Variants in VWF observed in about 807,000 individuals in gnomAD.
VWF encodes Factor VIII related antigen.
VWF carries 176 observed loss-of-function variants against 308.6 expected under a neutral mutation model. The ratio of observed to expected loss-of-function variants is 0.57; its 90% CI spans 0.50 to 0.65. The LOEUF (loss-of-function observed/expected upper bound fraction) is 0.65, where lower values mean the gene tolerates loss of function less well. VWF is among the 30% of genes least tolerant of loss of function. The pLI, the probability that VWF is intolerant of heterozygous loss-of-function variation, is 0.00. For synonymous variants in VWF, 1,385 were observed against 1,443.4 expected (o/e 0.96, Z 0.92); for missense variants, 3,146 against 3,648.2 (o/e 0.86, Z 3.55).
rs143931513 is a variant in VWF at position 5,995,361 on chromosome 12, TACTC to T, written c.6063+637_6063+640del. 5.6e-3 allele frequency among the ~76,000 whole-genome samples: 849 copies of T among 152,368 alleles called. 11 individuals carry two copies. Among genetic ancestry groups the T allele is most frequent in the African/African-American group, 0.019 (792 of 41,594 alleles). On this transcript the variant is annotated intron_variant, in intron 35 of 51. Transcript: ENST00000261405. ...GATTTTTTAATTTTTGGCTATGAGTTACTCACTTGATATATGACTAAGATTTTTC... is the reference window on the plus strand; with the variant it reads ...GATTTTTTAATTTTTGGCTATGAGTTACTTGATATATGACTAAGATTTTTC...
In VWF at chr12:6,019,418, G is replaced by T; in HGVS notation, c.4000C>A (p.Arg1334=). 1 of 1,613,924 alleles carries T rather than the reference G, an allele frequency of 6.2e-7. No individual in the cohort carries two copies. Among genetic ancestry groups the T allele is most frequent in the South Asian group, 1.1e-5 (1 of 91,068 alleles). Residue 1334 remains arginine, a synonymous_variant, in exon 28 of 52, where the codon CGG becomes AGG. Transcript: ENST00000261405. This position sits in a 1 kb window ranked among gnomAD's most constrained non-coding sequence, Gnocchi z 5.8. ...CGCCGCAGCTCTGACGGTCGCTTCC[G>T]GTCCTTGAGCCCGATGTAGGCGTGG... is the stretch of plus-strand genomic sequence containing the variant. ...GSHAYIGLKD[R]KRPSELRRIA...
At position 5,976,258 on chromosome 12, in the gene VWF, C is replaced by A. The variant is rs1300643689; in HGVS notation, c.7290G>T (p.Val2430=). The change falls in exon 43 of 52, where the codon GTG becomes GTT. Residue 2430 remains valine, a splice_region_variant and synonymous_variant. Transcript: ENST00000261405. ...GGTAGATGGTGCTTCGGTGGACACA[C>A]ACCTGTAGACATAAGTTTTCGTGAG... ...CTTTTCLPDK[V]CVHRSTIYPV... 1 of 1,614,160 alleles carries A rather than the reference C, an allele frequency of 6.2e-7. No homozygotes were observed. The highest frequency in any genetic ancestry group is 1.7e-5 in the Admixed American group (1 of 60,030).
rs1001439583 is a variant in VWF at position 6,060,110 on chromosome 12, G to A, written c.1534-2066C>T. Among the ~76,000 whole-genome samples the A allele has an allele frequency of 1.3e-5, 2 of 151,894 alleles. No homozygotes were observed. The highest frequency in any genetic ancestry group is 2.9e-5 in the Non-Finnish European group (2 of 67,970). ...GCTCGGCCAGGGTTAGGAGAGTGGG[G>A]GCGACACTTAGAGACTCTCTTAGTG... On this transcript the variant is annotated intron_variant, in intron 13 of 51. Coordinates refer to ENST00000261405, the MANE Select transcript of VWF (RefSeq NM_000552.5). The surrounding 1 kb of genome is among the most constrained non-coding windows in gnomAD (Gnocchi z 5.1).
At chr12:6,072,678 C>A (rs1944794742) in intron 8 of VWF, among the ~76,000 whole-genome samples, 1 of 152,260 alleles carries the variant, frequency 6.6e-6, no homozygotes, top group Non-Finnish European at 1.5e-5. Context: ...GTAGGGGAGG[C>A]ACAAGTCTGG....
chr12:6,085,018 CCTCT>C (rs1944953224), intron 6 of VWF, among the ~76,000 whole-genome samples: 2 of 152,202 alleles, frequency 1.3e-5, no homozygotes, highest in Admixed American at 6.5e-5. Context: ...GCTTGACATT[CCTCT>C]CTCTAAGATA....
chr12:6,122,388 C>A (rs1361571418), intron 2 of VWF, among the ~76,000 whole-genome samples: 1 of 152,172 alleles, frequency 6.6e-6, no homozygotes, highest in African/African-American at 2.4e-5. Flanking sequence ...AGTGTGAACT[C>A]CTCCGGCGTC....
At chr12:5,958,054 T>C (rs894017510) in intron 47 of VWF, among the ~76,000 whole-genome samples, 3 of 151,470 alleles carry the variant, frequency 2.0e-5, no homozygotes, top group Admixed American at 6.6e-5. Context: ...ACCACTAAAA[T>C]AGTAATATGA....
rs1280177699 is a variant in VWF, at chr12:6,036,267, CAG to C, written c.2546+119_2546+120del. 3.7e-6 allele frequency: 3 copies of C among 811,208 alleles called. No individual in the cohort carries two copies. The East Asian group carries it at 7.7e-5, about 21-fold the overall frequency. The allele number at this position is 811,208 out of a possible 1,614,324, so 50.3% of individuals were successfully genotyped here. A position where few individuals can be genotyped will look rare whatever the true frequency, so the allele number is the denominator to read the frequency against. ...GAGAAACACAGGCACGGAGGAAAGGCAGAGAGTAACCAGGTTCCCACAGGGGG... is the reference window on the plus strand; with the variant it reads ...GAGAAACACAGGCACGGAGGAAAGGCAGAGTAACCAGGTTCCCACAGGGGG... On this transcript the variant is annotated intron_variant, in intron 19 of 51. Coordinates refer to ENST00000261405, the MANE Select transcript of VWF (RefSeq NM_000552.5).
rs375330778 is a variant in VWF at position 6,044,470 on chromosome 12, A to G, written c.2282-19T>C. 9.3e-6 allele frequency: 15 copies of G among 1,613,148 alleles called. No homozygotes were observed. The highest frequency in any genetic ancestry group is 4.5e-5 in the East Asian group (2 of 44,876). On this transcript the variant is annotated intron_variant, in intron 17 of 51. Transcript: ENST00000261405. ...CTTTTGCCTCGAAGGTAGGAAAAGC[A>G]AAGAGATGATTAGTGAAGGAGAGAA...
At chr12:6,068,830 T>TGCGTGTG (rs1280885022) in intron 10 of VWF, among the ~76,000 whole-genome samples, 6 of 121,990 alleles carry the variant, frequency 4.9e-5, no homozygotes, top group South Asian at 5.2e-4. Context: ...TTTTTTTTTT[T>TGCGTGTG]TTTGCGTGTG....
intron 47 of VWF, 86 bp from the exon 48 acceptor site, chr12:5,953,680 T>C: frequency 1.8e-6 from 2 of 1,097,128 alleles, no homozygotes; most frequent in South Asian, 1.3e-5. Context: ...TGGCCTCTCA[T>C]CTCTCTCATC....
At position 6,013,486 on chromosome 12, in the gene VWF, C is replaced by T; in HGVS notation, c.5615G>A (p.Cys1872Tyr). The stretch of plus-strand genomic sequence containing the variant: ...AAAGGTATTATAAGACTCACCAGAG[C>T]ACAGTTTGTGGAGGAAGGAATTGCC... ...TLGNSFLHKL[C>Y]SGFVRICMDE... The change falls in exon 32 of 52, where the codon TGC (cysteine) becomes TAC (tyrosine). Residue 1872 changes from cysteine to tyrosine, a missense_variant. Transcript: ENST00000261405. 3 of 1,614,156 alleles carry T rather than the reference C, an allele frequency of 1.9e-6. No homozygotes were observed. The highest frequency in any genetic ancestry group is 1.1e-5 in the South Asian group (1 of 91,080).
Position 6,052,445 on chromosome 12 carries a change from C to T in VWF, c.2186+98G>A, listed in dbSNP as rs183232188. ...GGACAAGTCACTTCCTTCCTTGGGC[C>T]CCAGTTTACCCATCCATGAAGTAAA... On this transcript the variant is annotated intron_variant, in intron 16 of 51. Transcript: ENST00000261405. The T allele has an allele frequency of 1.2e-3, 1,911 of 1,580,138 alleles. 12 individuals carry two copies. In the Middle Eastern group the frequency reaches 0.015, roughly 13 times the overall value.
intron 34 of VWF, among the ~76,000 whole-genome samples, chr12:6,001,781 A>T (rs1943875965): frequency 6.6e-6 from 1 of 152,152 alleles, no homozygotes; most frequent in Admixed American, 6.5e-5. Flanking sequence ...GAGGGATCTC[A>T]TACTCTACAC....
rs1229067534 is a variant in VWF at position 6,024,504 on chromosome 12, G to A, written c.3223-717C>T. On this transcript the variant is annotated intron_variant, in intron 24 of 51. Coordinates refer to ENST00000261405, the MANE Select transcript of VWF (RefSeq NM_000552.5). The surrounding 1 kb of genome is among the most constrained non-coding windows in gnomAD (Gnocchi z 4.0). ...ATGCCCAGGATTTCCACCAAACCAG[G>A]GAATGTAAGTATCCTTTGGAGTCCT... Among the ~76,000 whole-genome samples the A allele has an allele frequency of 1.3e-5, 2 of 152,158 alleles. No individual in the cohort carries two copies. The highest frequency in any genetic ancestry group is 4.8e-5 in the African/African-American group (2 of 41,426).
chr12:6,047,957 G>A (rs917334270), intron 16 of VWF, among the ~76,000 whole-genome samples: 6 of 152,200 alleles, frequency 3.9e-5, no homozygotes, highest in African/African-American at 1.4e-4. Context: ...CAGAAGGGCG[G>A]GGATAGCAGG....
chr12:6,001,916 A>T (rs934333077), intron 34 of VWF, among the ~76,000 whole-genome samples: 4 of 152,130 alleles, frequency 2.6e-5, no homozygotes, highest in East Asian at 3.8e-4. Flanking sequence ...AAAATTAAAA[A>T]TTTTTTAATT....
intron 6 of VWF, among the ~76,000 whole-genome samples, chr12:6,095,021 A>G (rs1733437166): frequency 6.7e-6 from 1 of 149,978 alleles, no homozygotes; most frequent in South Asian, 2.1e-4. Flanking sequence ...GATGGTTTCG[A>G]TCTCCTGATC....
chr12:6,118,109 T>C (rs1945389601), intron 3 of VWF, among the ~76,000 whole-genome samples: 1 of 152,020 alleles, frequency 6.6e-6, no homozygotes, highest in Non-Finnish European at 1.5e-5. Flanking sequence ...CCCCACCTGG[T>C]AGGGCTACCC....
Sources: allele counts gnomAD v4.1 joint callset (sites outside exome capture counted in the v4.1 genomes callset), GRCh38; gene constraint gnomAD v4.1.1; non-coding constraint Gnocchi (gnomAD v3.1); transcripts MANE v1.5; gene names NCBI Gene and HGNC (gene_info 2026-07-23, HGNC 2026-07-21).